C2CD3: variants seen among roughly 807,000 people sequenced by gnomAD.
The protein encoded by C2CD3 is C2 domain containing 3 centriole elongation regulator, also known as C2 domain-containing protein 3.
Under a neutral mutation model 234.0 loss-of-function variants are expected in C2CD3, and 148 were observed. That is an observed-to-expected ratio of 0.63 (90% confidence interval 0.55 to 0.72). The LOEUF (loss-of-function observed/expected upper bound fraction) is 0.72. C2CD3 is among the 30% of genes least tolerant of loss of function. The pLI is 0.00. For synonymous variants in C2CD3, 1,000 were observed against 1,035.4 expected (o/e 0.97, Z 0.66); for missense variants, 2,577 against 2,811.5 (o/e 0.92, Z 1.89).
At chr11:74,122,823 C>T (rs542930838) in intron 8 of C2CD3, among the ~76,000 whole-genome samples, 165 bp downstream of exon 8, 2 of 152,250 alleles carry the variant, frequency 1.3e-5, no homozygotes, top group East Asian at 3.9e-4. Context: ...TCCTACTAGG[C>T]CTGTCTCAAC....
At chr11:74,069,806 T>A (rs879729166) in intron 24 of C2CD3, among the ~76,000 whole-genome samples, 1 of 152,208 alleles carries the variant, frequency 6.6e-6, no homozygotes, top group Non-Finnish European at 1.5e-5. Flanking sequence ...CAATGTCCAA[T>A]TTTTTATGTT....
intron 18 of C2CD3, among the ~76,000 whole-genome samples, chr11:74,093,333 TTATA>T (rs1955971241): frequency 6.8e-6 from 1 of 148,072 alleles, no homozygotes; most frequent in Non-Finnish European, 1.5e-5. Context: ...ATATAATAAT[TTATA>T]TATTTGTTAT....
chr11:74,114,366 C>CAAAAATG lies in C2CD3; in HGVS notation c.1730+17_1730+18insCATTTTT, dbSNP rs1956854758. On this transcript the variant is annotated intron_variant, in intron 10 of 32. Transcript: ENST00000334126. ...TTCCAAAAATGTCAAATTTAGCTTT[C>CAAAAATG]TCATGTTAGAGACATACCGCTTTTT... 6.3e-7 allele frequency: 1 copy of CAAAAATG among 1,591,104 alleles called. No homozygotes were observed. The highest frequency in any genetic ancestry group is 8.6e-7 in the Non-Finnish European group (1 of 1,160,800).
chr11:74,100,905 A>T (rs1012680466), intron 14 of C2CD3, among the ~76,000 whole-genome samples: 2 of 152,228 alleles, frequency 1.3e-5, no homozygotes, highest in African/African-American at 4.8e-5. Context: ...TCTGATGACA[A>T]AGCTCATACA....
rs898156005 is a variant in C2CD3, at chr11:74,090,925, C to T, written c.3529G>A (p.Val1177Met). ...LRNQSSGLLD[V>M]GLRYRRSPRT... The stretch of plus-strand genomic sequence containing the variant: ...GGACTACGCCTGTACCTTAGGCCCA[C>T]ATCCAGTAAACCTGAAGAATGAGGA... Residue 1177 changes from valine to methionine, a missense_variant, in exon 20 of 33, where the codon GTG becomes ATG. Transcript: ENST00000334126. The T allele has an allele frequency of 6.2e-7, 1 of 1,613,960 alleles. No homozygotes were observed. The highest frequency in any genetic ancestry group is 1.3e-5 in the African/African-American group (1 of 75,032).
intron 7 of C2CD3, among the ~76,000 whole-genome samples, chr11:74,132,336 G>A (rs949650929): frequency 6.6e-6 from 1 of 152,150 alleles, no homozygotes; most frequent in Non-Finnish European, 1.5e-5. Context: ...GGGCAACAGA[G>A]TGAGACTCCG....
At chr11:74,056,216 G>C (rs1008724829) in intron 25 of C2CD3, among the ~76,000 whole-genome samples, 8 of 152,110 alleles carry the variant, frequency 5.3e-5, no homozygotes, top group Non-Finnish European at 1.0e-4. Flanking sequence ...AGACACCATG[G>C]GTATGGCTAG....
intron 26 of C2CD3, among the ~76,000 whole-genome samples, chr11:74,050,035 C>T (rs1368049270): frequency 2.0e-5 from 3 of 152,128 alleles, no homozygotes; most frequent in South Asian, 2.1e-4. Context: ...CTGCATTGGC[C>T]TCCCAAAGTG....
intron 26 of C2CD3, among the ~76,000 whole-genome samples, chr11:74,050,712 T>TGAGATC (rs1565230252): frequency 2.2e-4 from 33 of 147,444 alleles, no homozygotes; most frequent in African/African-American, 7.9e-4. Context: ...ATAACATTTG[T>TGAGATC]TTGGACAGCT....
chr11:74,133,601 C>A, intron 5 of C2CD3, 44 bp from the exon 6 acceptor site: 2 of 1,605,088 alleles, frequency 1.2e-6, no homozygotes, highest in Non-Finnish European at 1.7e-6. Flanking sequence ...CAAAATGCAG[C>A]AGAAACATTT....
intron 7 of C2CD3, among the ~76,000 whole-genome samples, chr11:74,123,728 C>T (rs531035485): frequency 4.8e-5 from 7 of 146,986 alleles, no homozygotes; most frequent in South Asian, 2.1e-4. Flanking sequence ...TGAAATCCCA[C>T]GCTGGTATCT....
chr11:74,117,061 AAT>A lies in C2CD3; in HGVS notation c.1520+1165_1520+1166del, dbSNP rs1411018892. On this transcript the variant is annotated intron_variant, in intron 9 of 32. Transcript: ENST00000334126. ...ATACGTGTGTGTGTATATATATATG[AAT>A]ATATATATATGAATATATATATGAA... Among the ~76,000 whole-genome samples, 66 of 23,542 alleles carry A rather than the reference AAT, an allele frequency of 2.8e-3. 3 individuals are homozygous for A. The highest frequency in any genetic ancestry group is 0.01 in the East Asian group (21 of 2,012). 15.4% of individuals were successfully genotyped at this position (23,542 alleles called of 152,430 possible). A position where few individuals can be genotyped will look rare whatever the true frequency, so the allele number is the denominator to read the frequency against.
chr11:74,047,927 T>C (rs921875601), intron 28 of C2CD3, among the ~76,000 whole-genome samples: 1 of 152,244 alleles, frequency 6.6e-6, no homozygotes, highest in Non-Finnish European at 1.5e-5. Flanking sequence ...AGTTGATGAC[T>C]GAATTTAGGG....
chr11:74,094,534 C>T (rs1038907958), intron 17 of C2CD3, among the ~76,000 whole-genome samples: 7 of 151,984 alleles, frequency 4.6e-5, no homozygotes, highest in Non-Finnish European at 1.0e-4. Flanking sequence ...CTGTTTGTTC[C>T]CAGGTGAGAA....
chr11:74,083,382 G>A (rs1295778598), intron 22 of C2CD3, among the ~76,000 whole-genome samples: 1 of 152,192 alleles, frequency 6.6e-6, no homozygotes, highest in Non-Finnish European at 1.5e-5. Flanking sequence ...GTAGGCATGG[G>A]CAAGGACTTC....
rs776326633 is a variant in C2CD3, at chr11:74,103,360, G to A, written c.2351C>T (p.Thr784Met). The A allele has an allele frequency of 1.3e-5, 21 of 1,614,098 alleles. No individual in the cohort carries two copies. The highest frequency in any genetic ancestry group is 1.2e-4 in the African/African-American group (9 of 74,938). Residue 784 changes from threonine (T) to methionine (M), a missense_variant, in exon 14 of 33, where the codon ACG becomes ATG. Physicochemically the swap from Thr to Met is moderately conservative, Grantham distance 81 (BLOSUM62 -1). Transcript: ENST00000334126. ...ATTGACTAAATTATGGGAGGCTGGCGTAGCTACGAAGGTTGAAGGATGTGG... is the reference window on the plus strand; with the variant it reads ...ATTGACTAAATTATGGGAGGCTGGCATAGCTACGAAGGTTGAAGGATGTGG... ...VAPHPSTFVA[T>M]PASHNLVNQT...
Position 74,153,192 on chromosome 11 carries a change from A to G in C2CD3, c.483+8207T>C, listed in dbSNP as rs1055205423. Among the ~76,000 whole-genome samples the G allele has an allele frequency of 6.6e-5, 10 of 151,212 alleles. No individual in the cohort carries two copies. In the East Asian group the frequency reaches 1.7e-3, roughly 26 times the overall value. ...ATGATCATGCCAGCCTGGGTGACAG[A>G]GTGAGACTCTGTCTCTTAAAAACAA... On this transcript the variant is annotated intron_variant, in intron 3 of 32. Transcript: ENST00000334126.
chr11:74,165,230 G>A (rs894638853), intron 2 of C2CD3, among the ~76,000 whole-genome samples: 2 of 151,464 alleles, frequency 1.3e-5, no homozygotes, highest in Non-Finnish European at 2.9e-5. Flanking sequence ...TCATATAATC[G>A]TTCTTACTAC....
chr11:74,114,571 G>C lies in C2CD3; in HGVS notation c.1543C>G (p.Leu515Val), dbSNP rs370684410. 9.3e-6 allele frequency: 15 copies of C among 1,613,682 alleles called. No individual in the cohort carries two copies. The highest frequency in any genetic ancestry group is 5.3e-5 in the African/African-American group (4 of 74,896). ...TGGGCATCTTCTGGAGTTTCTGAGA[G>C]CATCTGTTGTTCAACCAAATTTCTG... Reference protein sequence around the residue: ...RNRNLVEQQMLSETPEDAQTM... With the variant: ...RNRNLVEQQMVSETPEDAQTM... The change falls in exon 10 of 33, where the codon CTC (leucine) becomes GTC (valine). Residue 515 changes from leucine to valine, a missense_variant. Leu to Val is a conservative substitution (Grantham distance 32). Coordinates refer to ENST00000334126, the MANE Select transcript of C2CD3 (RefSeq NM_001286577.2).
Sources: gnomAD v4.1 joint callset for allele counts (sites outside exome capture counted in the v4.1 genomes callset) on GRCh38, gnomAD v4.1.1 for gene constraint, MANE v1.5 for transcripts, NCBI Gene and HGNC (gene_info 2026-07-23, HGNC 2026-07-21) for gene names.